The following PSAP variants were observed in gnomAD, a reference collection of about 807,000 sequenced individuals.
PSAP encodes precursor of saposins.
In PSAP, 25 loss-of-function variants were observed where a neutral mutation model predicts 66.0. The ratio of observed to expected loss-of-function variants is 0.38; its 90% CI spans 0.28 to 0.53. The LOEUF is 0.53. Ranked by LOEUF, PSAP falls within the 20% of genes least tolerant of loss-of-function variation. The pLI, the probability that PSAP is intolerant of heterozygous loss-of-function variation, is 0.83. For missense variants in PSAP, 649 were observed against 668.8 expected (o/e 0.97, Z 0.33); for synonymous variants, 273 against 258.9 (o/e 1.05, Z -0.52).
At position 71,819,640 on chromosome 10, in the gene PSAP, G is replaced by A. The variant is rs200988983; in HGVS notation, c.1193-18C>T. On this transcript the variant is annotated intron_variant, in intron 10 of 13. Transcript: ENST00000394936. ...CACGTGAACTACATAAGAGGGCAGCGGGCTCAACGCTGGCAGGGCCCTCCC... is the reference window on the plus strand; with the variant it reads ...CACGTGAACTACATAAGAGGGCAGCAGGCTCAACGCTGGCAGGGCCCTCCC... 5.1e-5 allele frequency: 82 copies of A among 1,614,068 alleles called. No individual in the cohort carries two copies. In the East Asian group the frequency reaches 1.2e-3, roughly 25 times the overall value.
chr10:71,819,405 C>T (rs1842245603), intron 11 of PSAP, 60 bp downstream of exon 11: 2 of 1,603,840 alleles, frequency 1.2e-6, no homozygotes, highest in Admixed American at 1.7e-5. Context: ...GTACCCCAGC[C>T]TTGGCATACT....
intron 1 of PSAP, among the ~76,000 whole-genome samples, chr10:71,841,495 T>C (rs979599069): frequency 6.6e-6 from 1 of 152,164 alleles, no homozygotes; most frequent in Admixed American, 6.5e-5. Context: ...CACGGGAGGA[T>C]ATCAGACTGG....
At position 71,831,180 on chromosome 10, in the gene PSAP, C is replaced by T. The variant is rs766859000; in HGVS notation, c.321G>A (p.Lys107=). The change falls in exon 4 of 14, where the codon AAG becomes AAA. Residue 107 remains lysine (K), a synonymous_variant. Transcript: ENST00000394936. ...CAGGGAGGTAGGAGTCCACTATCTCCTTGCATGAAGCAGACATGTTCGGTT... is the reference window on the plus strand; with the variant it reads ...CAGGGAGGTAGGAGTCCACTATCTCTTTGCATGAAGCAGACATGTTCGGTT... ...LPKPNMSASC[K]EIVDSYLPVI... 1 of 1,614,158 alleles carries T rather than the reference C, an allele frequency of 6.2e-7. No homozygotes were observed. Among genetic ancestry groups the T allele is most frequent in the Non-Finnish European group, 8.5e-7 (1 of 1,180,010 alleles).
At chr10:71,847,618 CT>C (rs1842845591) in intron 1 of PSAP, among the ~76,000 whole-genome samples, 4 of 151,456 alleles carry the variant, frequency 2.6e-5, no homozygotes, top group African/African-American at 7.3e-5. Context: ...CTCCTTTCTC[CT>C]TTCTTCTGCC....
chr10:71,823,500 T>C (rs1040929254), intron 7 of PSAP, among the ~76,000 whole-genome samples: 3 of 151,322 alleles, frequency 2.0e-5, no homozygotes, highest in African/African-American at 7.3e-5. Flanking sequence ...CAAGGTGCCC[T>C]GGGGAAGCCA....
At chr10:71,837,279 C>T (rs1455635972) in intron 1 of PSAP, among the ~76,000 whole-genome samples, 1 of 152,220 alleles carries the variant, frequency 6.6e-6, no homozygotes, top group Admixed American at 6.5e-5. Context: ...GACATGATGA[C>T]ATACGTTCAT....
At chr10:71,835,544 C>CGGTG (rs1398652340) in intron 1 of PSAP, among the ~76,000 whole-genome samples, 1 of 152,054 alleles carries the variant, frequency 6.6e-6, no homozygotes, top group African/African-American at 2.4e-5. Flanking sequence ...TGCACTCCAG[C>CGGTG]GGTGAGCTAC....
intron 1 of PSAP, among the ~76,000 whole-genome samples, chr10:71,843,985 A>C (rs1435007029): frequency 6.6e-6 from 1 of 152,238 alleles, no homozygotes; most frequent in Non-Finnish European, 1.5e-5. Context: ...CATTATCTCA[A>C]ATTTTAAAAT....
intron 8 of PSAP, 126 bp from the exon 9 acceptor site, chr10:71,820,461 A>G (rs1842277791): frequency 5.2e-6 from 4 of 769,254 alleles, no homozygotes; most frequent in Non-Finnish European, 9.4e-6. Flanking sequence ...CTGCCTCCTG[A>G]ATTCCAAATG....
Position 71,819,745 on chromosome 10 carries a change from G to C in PSAP, c.1161C>G (p.Leu387=), listed in dbSNP as rs927307280. 6 of 1,614,000 alleles carry C rather than the reference G, an allele frequency of 3.7e-6. No individual in the cohort carries two copies. In the African/African-American group the frequency reaches 6.7e-5, roughly 18 times the overall value. The change falls in exon 10 of 14, where the codon CTC becomes CTG. Residue 387 remains leucine, a synonymous_variant. Transcript: ENST00000394936. ...GTGCAGGCAGCCGCGTGCCAGAGCA[G>C]AGGTGCAGCATGCTGCACACCAGCT... ...SPELVCSMLH[L]CSGTRLPALT...
intron 1 of PSAP, among the ~76,000 whole-genome samples, chr10:71,836,084 T>A (rs2133055637): frequency 6.6e-6 from 1 of 152,260 alleles, no homozygotes; most frequent in African/African-American, 2.4e-5. Context: ...CCTTCACCCC[T>A]TCAGACACAA....
Position 71,834,283 on chromosome 10 carries a change from T to C in PSAP, c.174+89A>G, listed in dbSNP as rs138354580. ...GTAAACAAAACAAGGCAAGAAAAAGTGCTCTGTCAATATGGCAGTGAGTTA... is the reference window on the plus strand; with the variant it reads ...GTAAACAAAACAAGGCAAGAAAAAGCGCTCTGTCAATATGGCAGTGAGTTA... On this transcript the variant is annotated intron_variant, in intron 2 of 13. Coordinates refer to ENST00000394936, the MANE Select transcript of PSAP (RefSeq NM_002778.4). 1.7e-4 allele frequency: 263 copies of C among 1,593,676 alleles called. 2 individuals carry two copies. In the African/African-American group the frequency reaches 3.0e-3, roughly 18 times the overall value.
intron 7 of PSAP, chr10:71,825,607 A>G (rs1842387086): frequency 4.6e-6 from 3 of 652,560 alleles, no homozygotes; most frequent in Non-Finnish European, 8.4e-6. Flanking sequence ...ATTGCCAGGA[A>G]GCCACCAGGG....
Position 71,851,085 on chromosome 10 carries a change from C to T in PSAP, c.40+97G>A, listed in dbSNP as rs1346622053. 5.8e-6 allele frequency: 8 copies of T among 1,389,122 alleles called. No individual in the cohort carries two copies. In the Admixed American group the frequency reaches 1.2e-4, roughly 21 times the overall value. The allele number at this position is 1,389,122 out of a possible 1,614,324, so 86.0% of individuals were successfully genotyped here. On this transcript the variant is annotated intron_variant, in intron 1 of 13. Coordinates refer to ENST00000394936, the MANE Select transcript of PSAP (RefSeq NM_002778.4). The stretch of plus-strand genomic sequence containing the variant: ...GCGCGCGCCCCCTTGCCAACTAGGG[C>T]AGGGGGAGCAGAGGGGCCAGGCCCG...
chr10:71,838,710 A>C (rs551459045), intron 1 of PSAP, among the ~76,000 whole-genome samples: 177 of 152,268 alleles, frequency 1.2e-3, no homozygotes, highest in Non-Finnish European at 1.9e-3. Flanking sequence ...CCAGTGCCCC[A>C]GCACCACTGC....
chr10:71,821,317 GACATCATCTGTTC>G (rs1425057055), intron 8 of PSAP, among the ~76,000 whole-genome samples: 1 of 152,236 alleles, frequency 6.6e-6, no homozygotes, highest in East Asian at 1.9e-4. Flanking sequence ...CGGGCACAAT[GACATCATCTGTTC>G]ACCACAGCCC....
chr10:71,834,569 T>A (rs1842586289), intron 1 of PSAP, 64 bp from the exon 2 acceptor site: 1 of 1,592,062 alleles, frequency 6.3e-7, no homozygotes, highest in Non-Finnish European at 8.6e-7. Context: ...ACCTGACTTA[T>A]TTCCCCAGGG....
chr10:71,837,101 G>A (rs545578076), intron 1 of PSAP, among the ~76,000 whole-genome samples: 278 of 152,300 alleles, frequency 1.8e-3, no homozygotes, highest in African/African-American at 6.0e-3. Flanking sequence ...AAGTTCCAGC[G>A]TAAAACAGAT....
intron 2 of PSAP, among the ~76,000 whole-genome samples, chr10:71,833,395 C>T (rs1053903513): frequency 2.0e-5 from 3 of 151,344 alleles, no homozygotes; most frequent in East Asian, 2.0e-4. Context: ...GAGGTTGAGG[C>T]TGCAGTGAGC....
Sources: gnomAD v4.1 joint callset for allele counts (sites outside exome capture counted in the v4.1 genomes callset) on GRCh38, gnomAD v4.1.1 for gene constraint, MANE v1.5 for transcripts, NCBI Gene and HGNC (gene_info 2026-07-23, HGNC 2026-07-21) for gene names.